The following SLC9C1 variants were observed in gnomAD, a reference collection of about 807,000 sequenced individuals.
The protein encoded by SLC9C1 is sodium/hydrogen exchanger 10.
SLC9C1 carries 97 observed loss-of-function variants against 140.9 expected under a neutral mutation model. That is an observed-to-expected ratio of 0.69 (90% CI 0.58 to 0.82). The LOEUF is 0.82. Among genes scored for constraint, SLC9C1 ranks in the 40% least tolerant of loss-of-function variants. SLC9C1 has a pLI of 0.00. For synonymous variants in SLC9C1, 440 were observed against 442.6 expected (o/e 0.99, Z 0.07); for missense variants, 1,340 against 1,389.3 (o/e 0.96, Z 0.56).
intron 28 of SLC9C1, 126 bp downstream of exon 28, chr3:112,151,731 T>C (rs1357240444): frequency 2.8e-6 from 2 of 721,938 alleles, no homozygotes; most frequent in African/African-American, 1.8e-5. Context: ...ATTAGAAGAA[T>C]CATCTGACTA....
At chr3:112,164,927 G>T (rs1452388645) in intron 26 of SLC9C1, among the ~76,000 whole-genome samples, 1 of 152,110 alleles carries the variant, frequency 6.6e-6, no homozygotes, top group African/African-American at 2.4e-5. Flanking sequence ...CGTAGATTTG[G>T]TCTTTTCACA....
chr3:112,198,687 C>T (rs1299559320), intron 20 of SLC9C1, among the ~76,000 whole-genome samples: 1 of 151,762 alleles, frequency 6.6e-6, no homozygotes, highest in Admixed American at 6.6e-5. Context: ...ATGTGAGTTA[C>T]ATAGCTGTTA....
At chr3:112,239,232 G>A (rs971499633) in intron 12 of SLC9C1, among the ~76,000 whole-genome samples, 5 of 152,220 alleles carry the variant, frequency 3.3e-5, no homozygotes, top group Admixed American at 6.5e-5. Flanking sequence ...AGCTAGCTCC[G>A]TGGGTGTGGG....
chr3:112,197,440 G>C (rs2108017833), intron 20 of SLC9C1, among the ~76,000 whole-genome samples: 1 of 152,206 alleles, frequency 6.6e-6, no homozygotes, highest in Admixed American at 6.5e-5. Context: ...AGAGAACAGG[G>C]TCTTTTATTG....
intron 12 of SLC9C1, among the ~76,000 whole-genome samples, chr3:112,234,186 A>G (rs1308126125): frequency 6.6e-6 from 1 of 152,192 alleles, no homozygotes; most frequent in Non-Finnish European, 1.5e-5. Flanking sequence ...AAGTGGTATG[A>G]GATGGTATCT....
intron 1 of SLC9C1, among the ~76,000 whole-genome samples, chr3:112,287,645 C>G (rs138577148): frequency 6.6e-6 from 1 of 152,278 alleles, no homozygotes; most frequent in East Asian, 1.9e-4. Context: ...AGTTTTACAT[C>G]AAAGGTCTTA....
intron 1 of SLC9C1, among the ~76,000 whole-genome samples, chr3:112,291,545 G>A (rs2080682806): frequency 6.6e-6 from 1 of 152,050 alleles, no homozygotes. Context: ...TTAGAGAAAT[G>A]CAAATCAAAA....
intron 2 of SLC9C1, among the ~76,000 whole-genome samples, chr3:112,281,193 T>C (rs1559750127): frequency 6.6e-6 from 1 of 152,190 alleles, no homozygotes; most frequent in South Asian, 2.1e-4. Context: ...CTTAAAAAAC[T>C]AGTTGTGGAA....
chr3:112,220,329 C>T (rs996521145), intron 14 of SLC9C1, among the ~76,000 whole-genome samples: 2 of 152,086 alleles, frequency 1.3e-5, no homozygotes. Flanking sequence ...TTCAGTGTAC[C>T]ACAAGGTTGT....
At chr3:112,274,765 A>G (rs2080168449) in intron 6 of SLC9C1, 132 bp downstream of exon 6, 1 of 850,660 alleles carries the variant, frequency 1.2e-6, no homozygotes, top group Non-Finnish European at 1.6e-6. Flanking sequence ...TGTAAAGAGT[A>G]AGTCACTAAA....
intron 12 of SLC9C1, among the ~76,000 whole-genome samples, chr3:112,237,467 A>G (rs1344974519): frequency 6.6e-6 from 1 of 152,100 alleles, no homozygotes; most frequent in Non-Finnish European, 1.5e-5. Context: ...TTTAAGGTTA[A>G]TATTGTTATG....
rs762076820 is a variant in SLC9C1 at position 112,204,238 on chromosome 3, G to A, written c.2152C>T (p.Arg718Cys). The A allele has an allele frequency of 1.3e-5, 19 of 1,501,074 alleles. No individual in the cohort carries two copies. The highest frequency in any genetic ancestry group is 1.4e-5 in the South Asian group (1 of 71,778). 93.0% of individuals were successfully genotyped at this position (1,501,074 alleles called of 1,614,324 possible). A position where few individuals can be genotyped will look rare whatever the true frequency, so the allele number is the denominator to read the frequency against. Reference sequence around the variant, plus strand: ...TTTACCTTGAAAATGCGTAGTATACGAAAAAATTGAACAACTTTTATAAAG... The same window carrying A: ...TTTACCTTGAAAATGCGTAGTATACAAAAAAATTGAACAACTTTTATAAAG... ...IVFIKVVQFF[R>C]ILRIFKLIAP... is the part of the protein sequence containing the mutation. Residue 718 changes from arginine (R) to cysteine (C), a missense_variant, in exon 17 of 29, where the codon CGT becomes TGT. Physicochemically the swap from Arg to Cys is radical, Grantham distance 180. Transcript: ENST00000305815.
chr3:112,165,104 C>T (rs2077095031), intron 26 of SLC9C1, among the ~76,000 whole-genome samples: 1 of 152,198 alleles, frequency 6.6e-6, no homozygotes, highest in Admixed American at 6.5e-5. Context: ...AGTTCTTGTG[C>T]CATGGTTTTC....
intron 3 of SLC9C1, among the ~76,000 whole-genome samples, chr3:112,280,401 G>T (rs868547036): frequency 1.7e-4 from 25 of 148,026 alleles, no homozygotes; most frequent in African/African-American, 5.9e-4. Flanking sequence ...TTTAAAATCT[G>T]TTTAACATTC....
intron 10 of SLC9C1, among the ~76,000 whole-genome samples, chr3:112,256,771 A>G (rs936772171): frequency 1.3e-5 from 2 of 152,126 alleles, no homozygotes; most frequent in East Asian, 1.9e-4. Flanking sequence ...AAGAAGTCAA[A>G]TTATCCTTAT....
rs1370431680 is a variant in SLC9C1 at position 112,202,241 on chromosome 3, T to C, written c.2322+9A>G. ...TGAACTCTTTTCTTAGGATTTAAGG[T>C]TTTCTTACCTGTTTAATCTGTTTAG... On this transcript the variant is annotated intron_variant, in intron 18 of 28. Transcript: ENST00000305815. 6.2e-7 allele frequency: 1 copy of C among 1,607,742 alleles called. No individual in the cohort carries two copies. The highest frequency in any genetic ancestry group is 1.1e-5 in the South Asian group (1 of 88,638).
At chr3:112,192,680 A>T (rs534697434) in intron 20 of SLC9C1, among the ~76,000 whole-genome samples, 4 of 152,118 alleles carry the variant, frequency 2.6e-5, no homozygotes, top group Admixed American at 2.0e-4. Flanking sequence ...TATTTCATTC[A>T]TTGAATTCCT....
intron 20 of SLC9C1, among the ~76,000 whole-genome samples, chr3:112,186,180 G>A (rs1374598547): frequency 6.6e-6 from 1 of 151,844 alleles, no homozygotes; most frequent in African/African-American, 2.4e-5. Flanking sequence ...ACCTTTTTGT[G>A]GACTTTTAGT....
At chr3:112,231,281 A>C in intron 13 of SLC9C1, 80 bp downstream of exon 13, 1 of 1,540,498 alleles carries the variant, frequency 6.5e-7, no homozygotes, top group Non-Finnish European at 8.9e-7. Flanking sequence ...AGTGAGCATG[A>C]TCAAGATGTC....
Sources: allele counts gnomAD v4.1 joint callset (sites outside exome capture counted in the v4.1 genomes callset), GRCh38; gene constraint gnomAD v4.1.1; transcripts MANE v1.5; gene names NCBI Gene and HGNC (gene_info 2026-07-23, HGNC 2026-07-21).